Variants in NBAS observed in about 807,000 individuals in gnomAD.
NBAS encodes the protein NAG/BC035112 fusion.
A neutral mutation model predicts 302.5 loss-of-function variants in NBAS; 219 were observed. That is an observed-to-expected ratio of 0.72 (90% confidence interval 0.65 to 0.81). The LOEUF is 0.81. NBAS is among the 30% of genes least tolerant of loss of function. The probability of loss-of-function intolerance (pLI) is 0.00; values close to 1 mark genes in which losing one functional copy is unlikely to be tolerated. For missense variants in NBAS, 2,932 were observed against 2,841.6 expected (o/e 1.03, Z -0.72); for synonymous variants, 1,118 against 1,021.6 (o/e 1.09, Z -1.80).
At chr2:14,980,192 C>T in the NBAS span, among the ~76,000 whole-genome samples, 1 of 152,018 alleles carries the variant, frequency 6.6e-6, no homozygotes, top group Non-Finnish European at 1.5e-5. Flanking sequence ...TGGATGTACA[C>T]GAGAGACCCA....
intron 25 of NBAS, among the ~76,000 whole-genome samples, chr2:15,406,709 G>C (rs974126470): frequency 1.2e-4 from 18 of 151,866 alleles, no homozygotes; most frequent in African/African-American, 4.1e-4. Flanking sequence ...AGGTACAAAG[G>C]AACAAAAACC....
chr2:14,910,366 T>C, the NBAS span, among the ~76,000 whole-genome samples: 1 of 152,184 alleles, frequency 6.6e-6, no homozygotes, highest in South Asian at 2.1e-4. Context: ...AGCTCTTGCA[T>C]AGAATAAGGA....
the NBAS span, among the ~76,000 whole-genome samples, chr2:14,962,314 G>A: frequency 6.6e-6 from 1 of 152,164 alleles, no homozygotes; most frequent in Non-Finnish European, 1.5e-5. Context: ...ACAGCTCAGA[G>A]GGAGGGTTAC....
At chr2:15,365,155 G>A (rs1410785211) in intron 32 of NBAS, among the ~76,000 whole-genome samples, 3 of 152,132 alleles carry the variant, frequency 2.0e-5, no homozygotes, top group African/African-American at 7.2e-5. Flanking sequence ...ACAGAACTTT[G>A]TATCCACAGT....
the NBAS span, among the ~76,000 whole-genome samples, chr2:15,017,498 T>C: frequency 1.4e-5 from 2 of 145,674 alleles, no homozygotes; most frequent in South Asian, 4.4e-4. Context: ...AATCAGCAAA[T>C]GATCTGAACA....
chr2:14,785,610 G>T, the NBAS span, among the ~76,000 whole-genome samples: 1 of 152,152 alleles, frequency 6.6e-6, no homozygotes, highest in Non-Finnish European at 1.5e-5. Flanking sequence ...CTGTTTATGT[G>T]CTGGATTACA....
At chr2:15,443,322 T>A (rs1432206688) in intron 21 of NBAS, among the ~76,000 whole-genome samples, 1 of 150,878 alleles carries the variant, frequency 6.6e-6, no homozygotes, top group Non-Finnish European at 1.5e-5. Flanking sequence ...GTGGGCTTCA[T>A]CCCTGGGATG....
the NBAS span, among the ~76,000 whole-genome samples, chr2:14,815,812 C>T: frequency 3.2e-4 from 49 of 152,294 alleles, no homozygotes. Flanking sequence ...CCCAGACTAG[C>T]TTTTCCTTCT....
chr2:15,046,642 G>T, the NBAS span, among the ~76,000 whole-genome samples: 33 of 152,182 alleles, frequency 2.2e-4, no homozygotes, highest in South Asian at 6.2e-4. Flanking sequence ...ACTAAGAGTG[G>T]TTTTATTTTT....
At chr2:15,340,211 C>T (rs905690676) in intron 35 of NBAS, among the ~76,000 whole-genome samples, 14 of 152,108 alleles carry the variant, frequency 9.2e-5, no homozygotes, top group African/African-American at 1.7e-4. Context: ...CAGGACACTA[C>T]TTTATGACTC....
intron 40 of NBAS, among the ~76,000 whole-genome samples, chr2:15,293,613 G>C (rs1021436994): frequency 2.0e-5 from 3 of 151,434 alleles, no homozygotes; most frequent in Non-Finnish European, 4.4e-5. Context: ...CCCAATTCCT[G>C]GGAAGACATG....
intron 31 of NBAS, among the ~76,000 whole-genome samples, chr2:15,371,166 A>C (rs1477770771): frequency 9.9e-5 from 15 of 152,238 alleles, no homozygotes; most frequent in East Asian, 5.8e-4. Flanking sequence ...CTCGTTCTCA[A>C]ATATACTCTT....
intron 21 of NBAS, among the ~76,000 whole-genome samples, chr2:15,435,418 T>C (rs1206917794): frequency 2.0e-5 from 3 of 152,212 alleles, no homozygotes; most frequent in South Asian, 2.1e-4. Flanking sequence ...ATAATACTTA[T>C]ATAGTACTTA....
At chr2:14,793,108 T>C in the NBAS span, among the ~76,000 whole-genome samples, 2 of 151,690 alleles carry the variant, frequency 1.3e-5, no homozygotes, top group African/African-American at 2.4e-5. Context: ...CTGCTATGTA[T>C]GAACAAAGTA....
the NBAS span, among the ~76,000 whole-genome samples, chr2:14,820,911 A>G: frequency 6.7e-6 from 1 of 148,688 alleles, no homozygotes; most frequent in African/African-American, 2.5e-5. Flanking sequence ...CAACAGAGAC[A>G]CTCTTTTTTT....
the NBAS span, among the ~76,000 whole-genome samples, chr2:14,929,727 G>A: frequency 6.6e-6 from 1 of 152,150 alleles, no homozygotes; most frequent in Non-Finnish European, 1.5e-5. Flanking sequence ...GAGAAGATGG[G>A]GTTAAATCTC....
In NBAS at chr2:15,461,756, T is replaced by A. The variant is rs777418047; in HGVS notation, c.2133A>T (p.Arg711Ser). 6.2e-7 allele frequency: 1 copy of A among 1,608,126 alleles called. No individual in the cohort carries two copies. Among genetic ancestry groups the A allele is most frequent in the Admixed American group, 1.7e-5 (1 of 59,904 alleles). ...ATTTCTTAAAGAATTCAGCATCATA[T>A]CTCTGTTCAGATGCATGAGGCACTC... ...ILGVPHASEQ[R>S]YDAEFFKKFR... The change falls in exon 20 of 52, where the codon AGA becomes AGT. Residue 711 changes from arginine to serine, a missense_variant. Arg to Ser is a moderately radical substitution (Grantham distance 110). Coordinates refer to ENST00000281513, the MANE Select transcript of NBAS (RefSeq NM_015909.4).
chr2:15,339,674 A>G (rs1672757247), intron 35 of NBAS, among the ~76,000 whole-genome samples: 1 of 152,212 alleles, frequency 6.6e-6, no homozygotes, highest in South Asian at 2.1e-4. Flanking sequence ...CATATCAGAT[A>G]AGTTTTATAC....
intron 47 of NBAS, among the ~76,000 whole-genome samples, chr2:15,228,956 G>A (rs936361325): frequency 3.3e-5 from 5 of 152,138 alleles, no homozygotes; most frequent in Non-Finnish European, 5.9e-5. Context: ...TTTCAAGATC[G>A]CTAGAAGAAT....
Sources: allele counts gnomAD v4.1 joint callset (sites outside exome capture counted in the v4.1 genomes callset), GRCh38; gene constraint gnomAD v4.1.1; transcripts MANE v1.5; gene names NCBI Gene and HGNC (gene_info 2026-07-23, HGNC 2026-07-21).